The following PSMD1 variants were observed in gnomAD, a reference collection of about 807,000 sequenced individuals.
The protein encoded by PSMD1 is 26S proteasome non-ATPase regulatory subunit 1.
PSMD1 carries 18 observed loss-of-function variants against 119.0 expected under a neutral mutation model. The ratio of observed to expected loss-of-function variants is 0.15; its 90% CI spans 0.10 to 0.22. PSMD1 has a LOEUF of 0.22. PSMD1 is among the 10% of genes least tolerant of loss of function. The probability of loss-of-function intolerance (pLI) is 1.00; values close to 1 mark genes in which losing one functional copy is unlikely to be tolerated. For synonymous variants in PSMD1, 374 were observed against 396.6 expected (o/e 0.94, Z 0.68); for missense variants, 702 against 1,158.5 (o/e 0.61, Z 5.72).
chr2:231,059,821 C>T (rs1036081487), intron 1 of PSMD1, among the ~76,000 whole-genome samples: 1 of 152,220 alleles, frequency 6.6e-6, no homozygotes, highest in Non-Finnish European at 1.5e-5. Context: ...ATTCTCTCCC[C>T]TCTCCAGAAG....
intron 16 of PSMD1, among the ~76,000 whole-genome samples, chr2:231,119,288 A>T (rs1365303671): frequency 6.6e-6 from 1 of 152,188 alleles, no homozygotes; most frequent in African/African-American, 2.4e-5. Context: ...TTCATCTCTG[A>T]TTAGACTTGC....
intron 19 of PSMD1, among the ~76,000 whole-genome samples, chr2:231,160,327 G>C (rs1420770479): frequency 6.6e-6 from 1 of 152,182 alleles, no homozygotes; most frequent in Non-Finnish European, 1.5e-5. Context: ...TAATGTCAGA[G>C]CTCCTCCCAC....
chr2:231,163,475 A>G, intron 20 of PSMD1, 160 bp from the exon 21 acceptor site: 1 of 545,878 alleles, frequency 1.8e-6, no homozygotes, highest in South Asian at 3.0e-5. Context: ...TAAAGAACCT[A>G]AAAACTAAAT....
chr2:231,070,393 C>G (rs1376253772), intron 6 of PSMD1, among the ~76,000 whole-genome samples: 1 of 152,030 alleles, frequency 6.6e-6, no homozygotes, highest in Admixed American at 6.5e-5. Context: ...GTAACACATT[C>G]TTTCTTTGTA....
intron 12 of PSMD1, among the ~76,000 whole-genome samples, chr2:231,082,565 C>T (rs909545878): frequency 6.6e-6 from 1 of 152,044 alleles, no homozygotes; most frequent in African/African-American, 2.4e-5. Context: ...ATTAGGCAGG[C>T]GTGGTGGCAG....
chr2:231,089,064 A>G (rs1672399788), intron 16 of PSMD1, among the ~76,000 whole-genome samples: 1 of 152,206 alleles, frequency 6.6e-6, no homozygotes, highest in Non-Finnish European at 1.5e-5. Flanking sequence ...CCAAAGCCCA[A>G]TACAGAGCAA....
At chr2:231,068,011 A>G (rs923022346) in intron 5 of PSMD1, among the ~76,000 whole-genome samples, 2 of 152,098 alleles carry the variant, frequency 1.3e-5, no homozygotes, top group Admixed American at 1.3e-4. Flanking sequence ...ACTTAGCTCA[A>G]CTATCCCTTG....
At chr2:231,123,813 G>A (rs1196528598) in intron 16 of PSMD1, 2 of 1,364,346 alleles carry the variant, frequency 1.5e-6, no homozygotes, top group Admixed American at 3.4e-5. Context: ...GGTCAGCATG[G>A]TTAGTAGCTA....
rs117078627 is a variant in PSMD1, at chr2:231,156,700, A to G, written c.2218+3034A>G. 9.2e-4 allele frequency among the ~76,000 whole-genome samples: 140 copies of G among 152,132 alleles called. 3 individuals carry two copies. In the East Asian group the frequency reaches 0.026, roughly 29 times the overall value. ...AAAAACTTATTTATTTTATTAAGGT[A>G]TGGTTGATAAATAGAAATTATACAT... On this transcript the variant is annotated intron_variant, in intron 19 of 24. Coordinates refer to ENST00000308696, the MANE Select transcript of PSMD1 (RefSeq NM_002807.4).
At chr2:231,072,133 T>G in intron 6 of PSMD1, 56 bp from the exon 7 acceptor site, 1 of 1,426,700 alleles carries the variant, frequency 7.0e-7, no homozygotes, top group South Asian at 1.2e-5. Context: ...TCTCCTTAAG[T>G]ACCTTGTAGA....
At chr2:231,064,724 G>A (rs374679711) in intron 4 of PSMD1, among the ~76,000 whole-genome samples, 2 of 152,306 alleles carry the variant, frequency 1.3e-5, no homozygotes, top group Admixed American at 6.5e-5. Flanking sequence ...GGAGTGCAAT[G>A]GCACGATCTT....
At chr2:231,106,745 C>T (rs1449770779) in intron 16 of PSMD1, among the ~76,000 whole-genome samples, 1 of 152,054 alleles carries the variant, frequency 6.6e-6, no homozygotes, top group East Asian at 1.9e-4. Context: ...GGAGGCAGTA[C>T]AAAGCATGTG....
chr2:231,147,996 T>G (rs1696288423), intron 18 of PSMD1, among the ~76,000 whole-genome samples: 1 of 152,202 alleles, frequency 6.6e-6, no homozygotes, highest in African/African-American at 2.4e-5. Context: ...GTGCTTCTAT[T>G]TCTGTCTCAA....
chr2:231,107,780 C>T (rs544838504), intron 16 of PSMD1, among the ~76,000 whole-genome samples: 15 of 152,298 alleles, frequency 9.8e-5, no homozygotes, highest in Admixed American at 2.6e-4. Flanking sequence ...TGCTTGTGCA[C>T]GTTAATTAAT....
intron 20 of PSMD1, 42 bp downstream of exon 20, chr2:231,161,551 C>T (rs1180388781): frequency 2.6e-6 from 4 of 1,545,452 alleles, no homozygotes; most frequent in Non-Finnish European, 3.5e-6. Context: ...TTCCTGTTCA[C>T]CGTATCTTAT....
rs548379507 is a variant in PSMD1 at position 231,086,352 on chromosome 2, A to G, written c.1819-765A>G. ...GAGCCACTGTGTCTGGCCAGTTGAA[A>G]TGGTCTTAAGAAGTAGCCCTGGGGC... On this transcript the variant is annotated intron_variant, in intron 15 of 24. Transcript: ENST00000308696. Among the ~76,000 whole-genome samples, 12 of 152,272 alleles carry G rather than the reference A, an allele frequency of 7.9e-5. No homozygotes were observed. In the East Asian group the frequency reaches 2.3e-3, roughly 29 times the overall value.
chr2:231,153,814 T>C (rs1696421419), intron 19 of PSMD1, 148 bp downstream of exon 19: 2 of 620,650 alleles, frequency 3.2e-6, no homozygotes, highest in East Asian at 2.8e-5. Flanking sequence ...ACAGAGATCA[T>C]GTACATTTAA....
At position 231,066,945 on chromosome 2, in the gene PSMD1, A is replaced by G; in HGVS notation, c.344A>G (p.Asn115Ser). 6.2e-7 allele frequency: 1 copy of G among 1,612,638 alleles called. No homozygotes were observed. The highest frequency in any genetic ancestry group is 8.5e-7 in the Non-Finnish European group (1 of 1,179,374). The change falls in exon 5 of 25, where the codon AAT becomes AGT. Residue 115 changes from asparagine (N) to serine (S), a missense_variant. Asn to Ser is a conservative substitution (Grantham distance 46). Around this residue, in one of 9 missense-constraint regions of PSMD1, gnomAD observed 50 missense variants for 41.8 expected, o/e 1.20. Coordinates refer to ENST00000308696, the MANE Select transcript of PSMD1 (RefSeq NM_002807.4). ...IDHYTKQCVE[N>S]ADLPEGEKKP... ...CACTACACCAAACAATGTGTGGAAA[A>G]TGCAGATTTGCCTGAAGGAGAAAAA...
intron 19 of PSMD1, 141 bp downstream of exon 19, chr2:231,153,807 G>A (rs1410663407): frequency 1.6e-6 from 1 of 625,802 alleles, no homozygotes; most frequent in African/African-American, 1.9e-5. Context: ...GCAGTTCACA[G>A]AGATCATGTA....
Sources: allele counts gnomAD v4.1 joint callset (sites outside exome capture counted in the v4.1 genomes callset), GRCh38; gene constraint gnomAD v4.1.1; regional missense constraint gnomAD v4.1.1; transcripts MANE v1.5; gene names NCBI Gene and HGNC (gene_info 2026-07-23, HGNC 2026-07-21).